SESN2: variants seen among roughly 807,000 people sequenced by gnomAD.
SESN2 encodes sestrin 2.
A neutral mutation model predicts 56.0 loss-of-function variants in SESN2; 42 were observed. The ratio of observed to expected loss-of-function variants is 0.75; its 90% CI spans 0.59 to 0.97. The LOEUF is 0.97. SESN2 is among the 50% of genes least tolerant of loss of function. SESN2 has a pLI of 0.00. For synonymous variants in SESN2, 264 were observed against 267.1 expected, an observed-to-expected ratio of 0.99 and a Z score of 0.11; for missense variants, 507 against 649.4, an observed-to-expected ratio of 0.78 and a Z score of 2.38.
chr1:28,261,802 A>T, intron 1 of SESN2, among the ~76,000 whole-genome samples: 1 of 128,792 alleles, frequency 7.8e-6, no homozygotes, highest in South Asian at 2.5e-4. Flanking sequence ...TTTTTTTGAG[A>T]TGGAGTCTTG....
intron 5 of SESN2, 62 bp from the exon 6 acceptor site, chr1:28,273,296 G>A: frequency 6.8e-7 from 1 of 1,466,226 alleles, no homozygotes; most frequent in Non-Finnish European, 9.1e-7. Context: ...GGAAGGATGA[G>A]TGGAGCTTCC....
intron 7 of SESN2, 30 bp downstream of exon 7, chr1:28,274,188 T>G: frequency 7.3e-7 from 1 of 1,374,314 alleles, no homozygotes; most frequent in Non-Finnish European, 1.0e-6. Flanking sequence ...TCTTGGCCAT[T>G]GCTCCACATT....
Position 28,282,326 on chromosome 1 carries a change from GAA to G in SESN2, c.*1525_*1526del, listed in dbSNP as rs1025458135. On this transcript the variant is annotated 3_prime_UTR_variant, in exon 10 of 10. Coordinates refer to ENST00000253063, the MANE Select transcript of SESN2 (RefSeq NM_031459.5). ...TCCCTGCAAGAAGGTGTGCAGGAGA[GAA>G]GAGGCCCCGGCATGGGGATCTGGGT... 6 of 152,312 alleles carry G rather than the reference GAA, an allele frequency of 3.9e-5. No homozygotes were observed. The highest frequency in any genetic ancestry group is 9.6e-5 in the African/African-American group (4 of 41,464). 9.4% of individuals were successfully genotyped at this position (152,312 alleles called of 1,614,324 possible). A position where few individuals can be genotyped will look rare whatever the true frequency, so the allele number is the denominator to read the frequency against.
chr1:28,260,522 G>A (rs1647337907), intron 1 of SESN2, among the ~76,000 whole-genome samples: 1 of 152,088 alleles, frequency 6.6e-6, no homozygotes, highest in Admixed American at 6.5e-5. Context: ...GGCTCTGGGG[G>A]CTTGGCGGGC....
chr1:28,267,454 C>T (rs1647596245), intron 1 of SESN2, among the ~76,000 whole-genome samples: 1 of 152,176 alleles, frequency 6.6e-6, no homozygotes, highest in South Asian at 2.1e-4. Flanking sequence ...GCTCTGCCTC[C>T]TCAGTGGGCT....
rs557509413 is a variant in SESN2, at chr1:28,282,018, C to T, written c.*1216C>T. ...GACTCCCACCCCCATCCCAGTATCT[C>T]ATCTGTCCCCTCTCCTGGGGCTTAA... On this transcript the variant is annotated 3_prime_UTR_variant, in exon 10 of 10. Coordinates refer to ENST00000253063, the MANE Select transcript of SESN2 (RefSeq NM_031459.5). 6.6e-6 allele frequency: 1 copy of T among 152,414 alleles called. No homozygotes were observed. The highest frequency in any genetic ancestry group is 2.4e-5 in the African/African-American group (1 of 41,588). The allele number at this position is 152,414 out of a possible 1,614,324, so 9.4% of individuals were successfully genotyped here.
intron 1 of SESN2, among the ~76,000 whole-genome samples, chr1:28,260,398 G>T (rs1346046221): frequency 6.6e-6 from 1 of 152,092 alleles, no homozygotes; most frequent in African/African-American, 2.4e-5. Context: ...ACCCTTCCTG[G>T]GGTGCCTCCC....
rs994631336 is a variant in SESN2 at position 28,271,741 on chromosome 1, G to A, written c.224G>A (p.Arg75Gln). The change falls in exon 3 of 10, where the codon CGA (arginine) becomes CAA (glutamine). Residue 75 changes from arginine (R) to glutamine (Q), a missense_variant. Physicochemically the swap from Arg to Gln is conservative, Grantham distance 43. Transcript: ENST00000253063. The stretch of plus-strand genomic sequence containing the variant: ...CTGGAGGCACTGATGTCCTCTGGGC[G>A]AGTAGACAACCTGGCAGTGGTGATG... ...LGLEALMSSG[R>Q]VDNLAVVMGL... 6 of 1,614,108 alleles carry A rather than the reference G, an allele frequency of 3.7e-6. No homozygotes were observed. The highest frequency in any genetic ancestry group is 2.7e-5 in the African/African-American group (2 of 74,934).
intron 7 of SESN2, among the ~76,000 whole-genome samples, chr1:28,274,624 T>G (rs941497963): frequency 2.6e-5 from 4 of 152,102 alleles, no homozygotes; most frequent in African/African-American, 4.8e-5. Context: ...ATCTATACCC[T>G]AAGCTCAGGG....
rs1308102672 is a variant in SESN2 at position 28,281,526 on chromosome 1, T to TATTAG, written c.*729_*733dup. 1.3e-5 allele frequency: 2 copies of TATTAG among 150,544 alleles called. No homozygotes were observed. The highest frequency in any genetic ancestry group is 4.9e-5 in the African/African-American group (2 of 40,778). 9.3% of individuals were successfully genotyped at this position (150,544 alleles called of 1,614,324 possible). A position where few individuals can be genotyped will look rare whatever the true frequency, so the allele number is the denominator to read the frequency against. On this transcript the variant is annotated 3_prime_UTR_variant, in exon 10 of 10. Transcript: ENST00000253063. Reference sequence around the variant, plus strand: ...ACATTGCCTTCTGAAGAGGAGGGAGTATTAGATTATAAATCCTCTTTATTT... The same window carrying TATTAG: ...ACATTGCCTTCTGAAGAGGAGGGAGTATTAGATTAGATTATAAATCCTCTTTATTT...
chr1:28,269,301 C>G, intron 2 of SESN2, 53 bp downstream of exon 2: 1 of 1,219,030 alleles, frequency 8.2e-7, no homozygotes, highest in East Asian at 2.5e-5. Context: ...AAGGACATGG[C>G]ATATTGGTAG....
Position 28,259,719 on chromosome 1 carries a change from C to T in SESN2, c.-129C>T, listed in dbSNP as rs1308775742. ...TCGGATTCCGGAGCGTTCTGGAGCC[C>T]CGAGAGACGCCCCGGGGTTCTAGAA... On this transcript the variant is annotated 5_prime_UTR_variant, in exon 1 of 10. Coordinates refer to ENST00000253063, the MANE Select transcript of SESN2 (RefSeq NM_031459.5). 6.3e-6 allele frequency: 4 copies of T among 630,556 alleles called. No homozygotes were observed. Among genetic ancestry groups the T allele is most frequent in the Non-Finnish European group, 7.5e-6 (3 of 402,674 alleles). 39.1% of individuals were successfully genotyped at this position (630,556 alleles called of 1,614,324 possible).
chr1:28,263,373 C>G (rs1268156404), intron 1 of SESN2, among the ~76,000 whole-genome samples: 4 of 152,160 alleles, frequency 2.6e-5, no homozygotes, highest in East Asian at 3.9e-4. Context: ...TATGGCACCA[C>G]TCACTCACAC....
At chr1:28,263,731 G>A (rs1647461983) in intron 1 of SESN2, among the ~76,000 whole-genome samples, 1 of 152,082 alleles carries the variant, frequency 6.6e-6, no homozygotes, top group Admixed American at 6.6e-5. Context: ...TTATTATGAA[G>A]TGGAATGGAC....
chr1:28,263,280 C>T (rs1409410477), intron 1 of SESN2, among the ~76,000 whole-genome samples: 1 of 152,116 alleles, frequency 6.6e-6, no homozygotes, highest in African/African-American at 2.4e-5. Flanking sequence ...AACTGTTTCC[C>T]TCTGGGTGGT....
Position 28,272,439 on chromosome 1 carries a change from A to T in SESN2, c.510A>T (p.Pro170=). ...SEINKLLAHR[P]WLITKEHIQA... Reference sequence around the variant, plus strand: ...TCAACAAGTTGCTGGCGCATCGGCCATGGCTCATCACCAAGGAACACATCC... The same window carrying T: ...TCAACAAGTTGCTGGCGCATCGGCCTTGGCTCATCACCAAGGAACACATCC... The change falls in exon 4 of 10, where the codon CCA becomes CCT. Residue 170 remains proline, a synonymous_variant. Transcript: ENST00000253063. 1 of 1,613,304 alleles carries T rather than the reference A, an allele frequency of 6.2e-7. No homozygotes were observed.
intron 8 of SESN2, among the ~76,000 whole-genome samples, chr1:28,277,446 C>T (rs1295745495): frequency 6.6e-6 from 1 of 152,130 alleles, no homozygotes. Flanking sequence ...GAACTCCTCA[C>T]CTCAAGCTAT....
At position 28,259,695 on chromosome 1, in the gene SESN2, C is replaced by T. The variant is rs150501859; in HGVS notation, c.-153C>T. ...AGTCCAGCACCAAAGCGGCCGTTCTCGGATTCCGGAGCGTTCTGGAGCCCC... is the reference window on the plus strand; with the variant it reads ...AGTCCAGCACCAAAGCGGCCGTTCTTGGATTCCGGAGCGTTCTGGAGCCCC... On this transcript the variant is annotated 5_prime_UTR_variant, in exon 1 of 10. Coordinates refer to ENST00000253063, the MANE Select transcript of SESN2 (RefSeq NM_031459.5). 3.0e-4 allele frequency: 164 copies of T among 541,630 alleles called. No individual in the cohort carries two copies. The highest frequency in any genetic ancestry group is 4.5e-4 in the Non-Finnish European group (147 of 324,178). The allele number at this position is 541,630 out of a possible 1,614,324, so 33.6% of individuals were successfully genotyped here. A position where few individuals can be genotyped will look rare whatever the true frequency, so the allele number is the denominator to read the frequency against.
intron 1 of SESN2, among the ~76,000 whole-genome samples, chr1:28,266,899 G>C (rs1333585542): frequency 1.3e-5 from 2 of 152,234 alleles, no homozygotes; most frequent in South Asian, 2.1e-4. Flanking sequence ...TGTTGTTATT[G>C]CTGAAAGTGT....
Sources: gnomAD v4.1 joint callset for allele counts (sites outside exome capture counted in the v4.1 genomes callset) on GRCh38, gnomAD v4.1.1 for gene constraint, MANE v1.5 for transcripts, NCBI Gene and HGNC (gene_info 2026-07-23, HGNC 2026-07-21) for gene names.